The following LUZP2 variants were observed in gnomAD, a reference collection of about 807,000 sequenced individuals.
LUZP2 encodes the protein leucine zipper protein 2.
Under a neutral mutation model 51.6 loss-of-function variants are expected in LUZP2, and 52 were observed. The observed-to-expected ratio is 1.01, with a 90% confidence interval of 0.81 to 1.27. The LOEUF is 1.27. Among genes scored for constraint, LUZP2 ranks in the 50% most tolerant of loss-of-function variants. The pLI is 0.00. For synonymous variants in LUZP2, 154 were observed against 137.3 expected (o/e 1.12, Z -0.85); for missense variants, 436 against 395.4 (o/e 1.10, Z -0.87).
intron 1 of LUZP2, among the ~76,000 whole-genome samples, chr11:24,696,596 C>T (rs759704254): frequency 6.6e-6 from 1 of 151,842 alleles, no homozygotes; most frequent in East Asian, 1.9e-4. Flanking sequence ...AATTACTGTG[C>T]ATCTGCTATG....
intron 9 of LUZP2, among the ~76,000 whole-genome samples, chr11:25,026,204 A>G (rs1468595328): frequency 6.6e-6 from 1 of 152,004 alleles, no homozygotes; most frequent in Non-Finnish European, 1.5e-5. Context: ...TAATGAGTTA[A>G]TGGGTGCAGC....
chr11:24,815,628 C>G (rs1395540915), intron 5 of LUZP2, among the ~76,000 whole-genome samples: 1 of 152,172 alleles, frequency 6.6e-6, no homozygotes, highest in Non-Finnish European at 1.5e-5. Context: ...GCAGTAGTAT[C>G]TCTCTTTTAG....
At chr11:24,533,741 C>T (rs1364583595) in intron 1 of LUZP2, among the ~76,000 whole-genome samples, 2 of 151,064 alleles carry the variant, frequency 1.3e-5, no homozygotes, top group Non-Finnish European at 3.0e-5. Flanking sequence ...CTTGTGCTGC[C>T]ACTTACCAGC....
intron 10 of LUZP2, among the ~76,000 whole-genome samples, chr11:25,075,348 T>C (rs913349086): frequency 9.8e-5 from 15 of 152,334 alleles, no homozygotes; most frequent in African/African-American, 3.6e-4. Flanking sequence ...GAAGAACCAA[T>C]TGTGTATAAA....
chr11:24,937,321 A>G (rs865867816), intron 7 of LUZP2, among the ~76,000 whole-genome samples: 1 of 152,202 alleles, frequency 6.6e-6, no homozygotes, highest in Non-Finnish European at 1.5e-5. Context: ...TTCTTTATTA[A>G]GTCTTTCACT....
chr11:24,528,359 T>A (rs1850885290), intron 1 of LUZP2, among the ~76,000 whole-genome samples: 2 of 151,226 alleles, frequency 1.3e-5, no homozygotes, highest in Non-Finnish European at 3.0e-5. Context: ...TGGATAAATT[T>A]ACAGAAATTA....
chr11:24,912,365 A>G (rs76163956), intron 6 of LUZP2, among the ~76,000 whole-genome samples: 2,425 of 152,178 alleles, frequency 0.016, 40 homozygotes, highest in Non-Finnish European at 0.02. Context: ...TGTGTTTCCA[A>G]TATTAGAACC....
At chr11:24,817,495 T>C (rs944878096) in intron 5 of LUZP2, among the ~76,000 whole-genome samples, 2 of 152,028 alleles carry the variant, frequency 1.3e-5, no homozygotes, top group African/African-American at 4.8e-5. Context: ...ATACAACTGA[T>C]GAATGAGAGA....
intron 5 of LUZP2, among the ~76,000 whole-genome samples, chr11:24,847,639 A>T (rs934242397): frequency 6.6e-6 from 1 of 152,158 alleles, no homozygotes; most frequent in Non-Finnish European, 1.5e-5. Context: ...TGTAATTGAG[A>T]AATACGGGGT....
intron 1 of LUZP2, among the ~76,000 whole-genome samples, chr11:24,716,898 A>G (rs1858066222): frequency 6.6e-6 from 1 of 152,002 alleles, no homozygotes. Flanking sequence ...TACATCTCAA[A>G]AAAATTTTTT....
chr11:24,660,725 T>G (rs1409530551), intron 1 of LUZP2, among the ~76,000 whole-genome samples: 1 of 152,170 alleles, frequency 6.6e-6, no homozygotes, highest in African/African-American at 2.4e-5. Flanking sequence ...TTAAGCAGAG[T>G]TACCTTTTAG....
At chr11:24,518,302 T>C (rs1850541694) in intron 1 of LUZP2, among the ~76,000 whole-genome samples, 1 of 152,196 alleles carries the variant, frequency 6.6e-6, no homozygotes, top group South Asian at 2.1e-4. Context: ...CAGAGCTGCA[T>C]GAATCTAACA....
intron 5 of LUZP2, among the ~76,000 whole-genome samples, chr11:24,868,438 A>T (rs1331753517): frequency 1.3e-5 from 2 of 152,156 alleles, no homozygotes; most frequent in African/African-American, 2.4e-5. Context: ...CCTGAGTTCT[A>T]AGTCACTACT....
At chr11:24,823,793 G>T (rs371839350) in intron 5 of LUZP2, among the ~76,000 whole-genome samples, 7 of 152,274 alleles carry the variant, frequency 4.6e-5, no homozygotes, top group South Asian at 4.1e-4. Context: ...GCCAGGCATG[G>T]TGGTTCACAC....
chr11:24,846,441 C>T (rs1267592718), intron 5 of LUZP2, among the ~76,000 whole-genome samples: 3 of 151,652 alleles, frequency 2.0e-5, no homozygotes, highest in African/African-American at 4.8e-5. Context: ...AAAGACCTCA[C>T]TAAATAAAAT....
At chr11:24,713,964 G>A (rs1857941035) in intron 1 of LUZP2, among the ~76,000 whole-genome samples, 1 of 148,430 alleles carries the variant, frequency 6.7e-6, no homozygotes, top group Non-Finnish European at 1.5e-5. Context: ...CCAAAGTGCT[G>A]GGATTACAGG....
intron 1 of LUZP2, among the ~76,000 whole-genome samples, chr11:24,574,259 TCTTG>T (rs1384471522): frequency 7.5e-5 from 5 of 67,114 alleles, no homozygotes; most frequent in African/African-American, 2.0e-4. Context: ...TTTCTTTCTT[TCTTG>T]CTTTCTTTCT....
chr11:24,500,050 G>A (rs1321074554), intron 1 of LUZP2, among the ~76,000 whole-genome samples: 1 of 152,014 alleles, frequency 6.6e-6, no homozygotes, highest in Non-Finnish European at 1.5e-5. Context: ...CTTTTTGCTT[G>A]TTCCTCCTTC....
chr11:24,928,220 C>G (rs1854337248), intron 7 of LUZP2, among the ~76,000 whole-genome samples: 1 of 151,918 alleles, frequency 6.6e-6, no homozygotes, highest in Non-Finnish European at 1.5e-5. Context: ...ATTTGGATGC[C>G]CTTTATTTCT....
Sources: allele counts gnomAD v4.1 joint callset (sites outside exome capture counted in the v4.1 genomes callset), GRCh38; gene constraint gnomAD v4.1.1; transcripts MANE v1.5; gene names NCBI Gene and HGNC (gene_info 2026-07-23, HGNC 2026-07-21).